The following NOTCH1 variants were observed in gnomAD, a reference collection of about 807,000 sequenced individuals.
The protein encoded by NOTCH1 is notch receptor 1.
Under a neutral mutation model 254.8 loss-of-function variants are expected in NOTCH1, and 37 were observed. That is an observed-to-expected ratio of 0.15 (90% confidence interval 0.11 to 0.19). The LOEUF (loss-of-function observed/expected upper bound fraction) is 0.19, where lower values mean the gene tolerates loss of function less well. Among genes scored for constraint, NOTCH1 ranks in the 10% least tolerant of loss-of-function variants. NOTCH1 has a pLI of 1.00. For synonymous variants in NOTCH1, 1,731 were observed against 1,618.1 expected, an observed-to-expected ratio of 1.07 and a Z score of -1.68; for missense variants, 2,972 against 3,708.6, an observed-to-expected ratio of 0.80 and a Z score of 5.16.
chr9:136,540,708 C>G lies in NOTCH1; in HGVS notation c.140+3316G>C, dbSNP rs1033892456. 6.6e-6 allele frequency among the ~76,000 whole-genome samples: 1 copy of G among 152,076 alleles called. No individual in the cohort carries two copies. Among genetic ancestry groups the G allele is most frequent in the African/African-American group, 2.4e-5 (1 of 41,394 alleles). On this transcript the variant is annotated intron_variant, in intron 2 of 33. Coordinates refer to ENST00000651671, the MANE Select transcript of NOTCH1 (RefSeq NM_017617.5). This position sits in a 1 kb window ranked among gnomAD's most constrained non-coding sequence, Gnocchi z 4.4. Reference sequence around the variant, plus strand: ...TAGTGGCCAGGCCAGGCCTCAGACACGAGGTTGTCCAAAGCTAAAGCGCAC... The same window carrying G: ...TAGTGGCCAGGCCAGGCCTCAGACAGGAGGTTGTCCAAAGCTAAAGCGCAC...
At chr9:136,522,809 CGGGGAG>C in intron 4 of NOTCH1, 35 bp downstream of exon 4, 1 of 1,440,938 alleles carries the variant, frequency 6.9e-7, no homozygotes. Flanking sequence ...GCCTGGCAGC[CGGGGAG>C]GGGCTCGTGC....
At position 136,497,090 on chromosome 9, in the gene NOTCH1, G is replaced by A. The variant is rs1445922406; in HGVS notation, c.6649C>T (p.Pro2217Ser). The A allele has an allele frequency of 1.9e-6, 3 of 1,609,852 alleles. No individual in the cohort carries two copies. The highest frequency in any genetic ancestry group is 1.7e-6 in the Non-Finnish European group (2 of 1,178,066). ...HGYLSDVASP[P>S]LLPSPFQQSP... is the part of the protein sequence containing the mutation. Reference sequence around the variant, plus strand: ...TGCTGGAACGGGGAGGGCAGCAGTGGCGGCGAGGCCACGTCTGACAGGTAG... The same window carrying A: ...TGCTGGAACGGGGAGGGCAGCAGTGACGGCGAGGCCACGTCTGACAGGTAG... The change falls in exon 34 of 34, where the codon CCA becomes TCA. Residue 2217 changes from proline (P) to serine (S), a missense_variant. Physicochemically the swap from Pro to Ser is moderately conservative, Grantham distance 74. Coordinates refer to ENST00000651671, the MANE Select transcript of NOTCH1 (RefSeq NM_017617.5).
chr9:136,500,963 A>G, intron 30 of NOTCH1, 116 bp from the exon 31 acceptor site: 1 of 1,213,338 alleles, frequency 8.2e-7, no homozygotes, highest in South Asian at 1.5e-5. Flanking sequence ...ACCACCCAGC[A>G]CTTGGTGGCC....
At chr9:136,521,214 T>C (rs768235037) in intron 4 of NOTCH1, among the ~76,000 whole-genome samples, 56 of 152,018 alleles carry the variant, frequency 3.7e-4, no homozygotes, top group Non-Finnish European at 6.9e-4. Flanking sequence ...CGGATGGTCA[T>C]CTCACCCTGA....
intron 24 of NOTCH1, 24 bp from the exon 25 acceptor site, chr9:136,505,905 G>C: frequency 6.4e-7 from 1 of 1,561,194 alleles, no homozygotes; most frequent in Non-Finnish European, 8.6e-7. Flanking sequence ...AAGACAGGAC[G>C]GTGTCGGGGT....
At chr9:136,509,601 G>T in intron 18 of NOTCH1, 132 bp downstream of exon 18, 1 of 781,782 alleles carries the variant, frequency 1.3e-6, no homozygotes, top group East Asian at 2.7e-5. Flanking sequence ...AACAATGTCT[G>T]GACTCAATGC....
At chr9:136,534,533 C>G (rs1350329891) in intron 2 of NOTCH1, among the ~76,000 whole-genome samples, 1 of 152,178 alleles carries the variant, frequency 6.6e-6, no homozygotes, top group Admixed American at 6.5e-5. Context: ...AGGCCTCCCA[C>G]TGGGCGAGAA....
rs1843399711 is a variant in NOTCH1 at position 136,523,041 on chromosome 9, T to C, written c.551A>G (p.Gln184Arg). The stretch of plus-strand genomic sequence containing the variant: ...TCCGTGGCGGCAAAGCCCGGGCTTC[T>C]GGCCACACTCGTTGACATCCTGCCG... ...TCRQDVNECG[Q>R]KPGLCRHGGT... The change falls in exon 4 of 34, where the codon CAG becomes CGG. Residue 184 changes from glutamine to arginine, a missense_variant. Coordinates refer to ENST00000651671, the MANE Select transcript of NOTCH1 (RefSeq NM_017617.5). 2 of 1,557,384 alleles carry C rather than the reference T, an allele frequency of 1.3e-6. No homozygotes were observed.
rs765929402 is a variant in NOTCH1 at position 136,508,109 on chromosome 9, C to A, written c.3356G>T (p.Gly1119Val). 5.0e-6 allele frequency: 8 copies of A among 1,608,956 alleles called. No individual in the cohort carries two copies. The highest frequency in any genetic ancestry group is 6.8e-6 in the Non-Finnish European group (8 of 1,179,880). ...GTTGCCCGCGTCCACACAGAGCCCTCCATGCTGGCACAGGCGGGCAACGTC... is the reference window on the plus strand; with the variant it reads ...GTTGCCCGCGTCCACACAGAGCCCTACATGCTGGCACAGGCGGGCAACGTC... ...GVDVARLCQHGGLCVDAGNTH... is the reference protein window; with the variant it reads ...GVDVARLCQHVGLCVDAGNTH... The change falls in exon 21 of 34, where the codon GGA (glycine) becomes GTA (valine). Residue 1119 changes from glycine to valine, a missense_variant. Physicochemically the swap from Gly to Val is moderately radical, Grantham distance 109. Transcript: ENST00000651671.
At position 136,511,132 on chromosome 9, in the gene NOTCH1, C is replaced by T. The variant is rs148381982; in HGVS notation, c.2587+20G>A. On this transcript the variant is annotated intron_variant, in intron 16 of 33. Transcript: ENST00000651671. Reference sequence around the variant, plus strand: ...CCTGACCTCCCATCCCAGCCCTCACCGGGCCCTGGCCAGCCTCACCTTGCC... The same window carrying T: ...CCTGACCTCCCATCCCAGCCCTCACTGGGCCCTGGCCAGCCTCACCTTGCC... The T allele has an allele frequency of 0.018, 29,577 of 1,612,852 alleles. 384 individuals are homozygous for T. The highest frequency in any genetic ancestry group is 0.066 in the Middle Eastern group (401 of 6,032).
At chr9:136,511,618 C>T (rs759261266) in intron 15 of NOTCH1, among the ~76,000 whole-genome samples, 58 of 152,344 alleles carry the variant, frequency 3.8e-4, no homozygotes, top group Non-Finnish European at 7.1e-4. Context: ...GTGGGCTCCA[C>T]GACACTGCAG....
chr9:136,532,524 TCCAGG>T (rs1438793530), intron 2 of NOTCH1, among the ~76,000 whole-genome samples: 1 of 152,054 alleles, frequency 6.6e-6, no homozygotes, highest in Non-Finnish European at 1.5e-5. Flanking sequence ...AGGAAGGGGC[TCCAGG>T]GTGGATGACA....
At chr9:136,512,758 C>G (rs1325380698) in intron 15 of NOTCH1, among the ~76,000 whole-genome samples, 1 of 152,188 alleles carries the variant, frequency 6.6e-6, no homozygotes. Context: ...CCCAGGCATC[C>G]TGTATCTTTG....
At chr9:136,501,613 A>C in intron 30 of NOTCH1, 135 bp downstream of exon 30, 7 of 1,102,044 alleles carry the variant, frequency 6.4e-6, no homozygotes, top group Non-Finnish European at 9.1e-6. Flanking sequence ...CTGAATGGGA[A>C]ACACCCCAAG....
At position 136,507,365 on chromosome 9, in the gene NOTCH1, C is replaced by G; in HGVS notation, c.3583G>C (p.Gly1195Arg). The change falls in exon 22 of 34, where the codon GGG becomes CGG. Residue 1195 changes from glycine to arginine, a missense_variant. By Grantham distance (125) the Gly-to-Arg change is moderately radical. Coordinates refer to ENST00000651671, the MANE Select transcript of NOTCH1 (RefSeq NM_017617.5). Reference sequence around the variant, plus strand: ...TTGGGGAGGTCGAGGCAGGTGCCCCCGTTCTGGCAGGGGTGGGAGAGGCAC... The same window carrying G: ...TTGGGGAGGTCGAGGCAGGTGCCCCGGTTCTGGCAGGGGTGGGAGAGGCAC... ...DECLSHPCQN[G>R]GTCLDLPNTY... 1 of 1,612,766 alleles carries G rather than the reference C, an allele frequency of 6.2e-7. No homozygotes were observed. The highest frequency in any genetic ancestry group is 8.5e-7 in the Non-Finnish European group (1 of 1,179,872).
At position 136,497,252 on chromosome 9, in the gene NOTCH1, T is replaced by G. The variant is rs1432824285; in HGVS notation, c.6487A>C (p.Ser2163Arg). ...TTGCTTCCACAGGCCAGGCCTTTGC[T>G]GCTGGGCTTGCGGACCTTCTTGCCC... The part of the protein sequence containing the change: ...VQGKKVRKPS[S>R]KGLACGSKEA... Residue 2163 changes from serine to arginine, a missense_variant, in exon 34 of 34, where the codon AGC (serine) becomes CGC (arginine). Coordinates refer to ENST00000651671, the MANE Select transcript of NOTCH1 (RefSeq NM_017617.5). 15 of 1,611,816 alleles carry G rather than the reference T, an allele frequency of 9.3e-6. No individual in the cohort carries two copies. Among genetic ancestry groups the G allele is most frequent in the Non-Finnish European group, 1.3e-5 (15 of 1,179,930 alleles).
intron 15 of NOTCH1, 21 bp downstream of exon 15, chr9:136,513,000 C>CCA: frequency 2.0e-6 from 2 of 990,090 alleles, no homozygotes; most frequent in Non-Finnish European, 3.2e-6. Flanking sequence ...CCCTCCAGCA[C>CCA]AGGCCCCACC....
At position 136,497,569 on chromosome 9, in the gene NOTCH1, A is replaced by C; in HGVS notation, c.6181-11T>G. ...CAGGGGTGTCTCCTCCTGGGGGATGAGGGCGGGGGCCGGTGAGGGGGGCCA... is the reference window on the plus strand; with the variant it reads ...CAGGGGTGTCTCCTCCTGGGGGATGCGGGCGGGGGCCGGTGAGGGGGGCCA... On this transcript the variant is annotated splice_polypyrimidine_tract_variant and intron_variant, in intron 33 of 33. Coordinates refer to ENST00000651671, the MANE Select transcript of NOTCH1 (RefSeq NM_017617.5). 10 of 1,436,376 alleles carry C rather than the reference A, an allele frequency of 7.0e-6. No individual in the cohort carries two copies. The highest frequency in any genetic ancestry group is 1.2e-5 in the South Asian group (1 of 84,984). 89.0% of individuals were successfully genotyped at this position (1,436,376 alleles called of 1,614,324 possible).
In NOTCH1 at chr9:136,505,005, C is replaced by T. The variant is rs1392196185; in HGVS notation, c.4686G>A (p.Ala1562=). The T allele has an allele frequency of 1.1e-5, 18 of 1,601,616 alleles. No homozygotes were observed. The highest frequency in any genetic ancestry group is 1.6e-4 in the Middle Eastern group (1 of 6,068). The part of the protein sequence containing the change: ...AECEWDGLDC[A]EHVPERLAAG... ...CCGCCAGCCTCTCGGGTACATGCTCCGCACAGTCCAGCCCGTCCCACTCGC... is the reference window on the plus strand; with the variant it reads ...CCGCCAGCCTCTCGGGTACATGCTCTGCACAGTCCAGCCCGTCCCACTCGC... Residue 1562 remains alanine (A), a synonymous_variant, in exon 26 of 34, where the codon GCG becomes GCA. Transcript: ENST00000651671.
Sources: allele counts gnomAD v4.1 joint callset (sites outside exome capture counted in the v4.1 genomes callset), GRCh38; gene constraint gnomAD v4.1.1; non-coding constraint Gnocchi (gnomAD v3.1); transcripts MANE v1.5; gene names NCBI Gene and HGNC (gene_info 2026-07-23, HGNC 2026-07-21).